The following EPHA5 variants were observed in gnomAD, a reference collection of about 807,000 sequenced individuals.
EPHA5 encodes the protein EPH receptor A5.
Under a neutral mutation model 105.0 loss-of-function variants are expected in EPHA5, and 60 were observed. The observed-to-expected ratio is 0.57, with a 90% CI of 0.46 to 0.71. The LOEUF (loss-of-function observed/expected upper bound fraction) is 0.71. EPHA5 is among the 30% of genes least tolerant of loss of function. The pLI is 0.00. For missense variants in EPHA5, 1,218 were observed against 1,274.7 expected, an observed-to-expected ratio of 0.96 and a Z score of 0.68; for synonymous variants, 513 against 449.1, an observed-to-expected ratio of 1.14 and a Z score of -1.80.
Position 65,591,622 on chromosome 4 carries a change from G to T in EPHA5, c.910+10019C>A. Among the ~76,000 whole-genome samples the T allele has an allele frequency of 1.3e-5, 2 of 150,884 alleles. 1 individual carries two copies. Among genetic ancestry groups the T allele is most frequent in the South Asian group, 4.1e-4 (2 of 4,822 alleles). On this transcript the variant is annotated intron_variant, in intron 3 of 16. Transcript: ENST00000613740. ...TAATTTTATTTTTTTTAAAAAAAAA[G>T]CTTCAGAGATTGTGATCAGAAAAGA...
At chr4:65,383,449 C>A (rs1213290782) in intron 8 of EPHA5, among the ~76,000 whole-genome samples, 1 of 151,778 alleles carries the variant, frequency 6.6e-6, no homozygotes, top group Non-Finnish European at 1.5e-5. Flanking sequence ...ATCACCACTG[C>A]TACCACCATT....
chr4:65,385,864 T>A (rs1378700624), intron 8 of EPHA5, among the ~76,000 whole-genome samples: 2 of 151,830 alleles, frequency 1.3e-5, no homozygotes, highest in Non-Finnish European at 2.9e-5. Context: ...TATATTTGTA[T>A]AATACTGATA....
At chr4:65,647,938 G>A (rs902380483) in intron 1 of EPHA5, among the ~76,000 whole-genome samples, 1 of 152,130 alleles carries the variant, frequency 6.6e-6, no homozygotes, top group Non-Finnish European at 1.5e-5. Context: ...ATAAGGAAAA[G>A]TCACTTAACT....
chr4:65,524,717 G>T (rs1002050798), intron 3 of EPHA5, among the ~76,000 whole-genome samples: 3 of 151,754 alleles, frequency 2.0e-5, no homozygotes, highest in African/African-American at 7.3e-5. Flanking sequence ...ATTTCAGTAC[G>T]TTTAAATTTT....
At chr4:65,391,929 C>G (rs551936601) in intron 8 of EPHA5, among the ~76,000 whole-genome samples, 1 of 152,230 alleles carries the variant, frequency 6.6e-6, no homozygotes, top group South Asian at 2.1e-4. Context: ...GTACCATAAA[C>G]TGAGTTTTTC....
At chr4:65,574,750 A>ATG (rs1365875449) in intron 3 of EPHA5, among the ~76,000 whole-genome samples, 2 of 128,194 alleles carry the variant, frequency 1.6e-5, no homozygotes, top group African/African-American at 2.9e-5. Context: ...ATACATATAT[A>ATG]TATATATACA....
At chr4:65,446,264 A>G (rs1001542554) in intron 5 of EPHA5, among the ~76,000 whole-genome samples, 1 of 152,234 alleles carries the variant, frequency 6.6e-6, no homozygotes, top group African/African-American at 2.4e-5. Context: ...GAATAACTTT[A>G]TATAATGACT....
In EPHA5 at chr4:65,324,125, C is replaced by G. The variant is rs758487170; in HGVS notation, c.3040G>C (p.Val1014Leu). 5 of 1,606,982 alleles carry G rather than the reference C, an allele frequency of 3.1e-6. 1 individual carries two copies. Among genetic ancestry groups the G allele is most frequent in the South Asian group, 1.1e-5 (1 of 90,796 alleles). ...EMKVQLVNGM[V>L]PL The stretch of plus-strand genomic sequence containing the variant: ...ACATTTACATGAAGTTACAATGGCA[C>G]CATTCCGTTTACCAGCTGCACCTTC... The change falls in exon 17 of 17, where the codon GTG becomes CTG. Residue 1014 changes from valine (V) to leucine (L), a missense_variant. Physicochemically the swap from Val to Leu is conservative, Grantham distance 32. Transcript: ENST00000613740.
chr4:65,485,266 T>C (rs906294584), intron 5 of EPHA5, among the ~76,000 whole-genome samples: 2 of 152,104 alleles, frequency 1.3e-5, no homozygotes, highest in African/African-American at 4.8e-5. Context: ...TTTATTTTCT[T>C]ATCATTTTTC....
At chr4:65,560,269 C>G (rs1738875120) in intron 3 of EPHA5, among the ~76,000 whole-genome samples, 1 of 152,110 alleles carries the variant, frequency 6.6e-6, no homozygotes, top group Non-Finnish European at 1.5e-5. Flanking sequence ...AATTGACACA[C>G]TAATCCAGAT....
intron 14 of EPHA5, among the ~76,000 whole-genome samples, chr4:65,338,079 AAAC>A (rs1044274120): frequency 2.6e-5 from 4 of 152,102 alleles, no homozygotes; most frequent in Non-Finnish European, 5.9e-5. Context: ...TAAAATAATA[AAAC>A]AACAGATACA....
chr4:65,538,475 G>A (rs139749762), intron 3 of EPHA5, among the ~76,000 whole-genome samples: 3 of 151,730 alleles, frequency 2.0e-5, no homozygotes, highest in Non-Finnish European at 3.0e-5. Context: ...AAAAGTCATC[G>A]TGCCTTGCCC....
chr4:65,438,705 C>A (rs930666690), intron 5 of EPHA5, among the ~76,000 whole-genome samples: 1 of 151,488 alleles, frequency 6.6e-6, no homozygotes, highest in Non-Finnish European at 1.5e-5. Flanking sequence ...GGACTTCAAG[C>A]AGAATGAAAC....
intron 3 of EPHA5, among the ~76,000 whole-genome samples, chr4:65,518,795 A>G (rs1299844224): frequency 6.6e-6 from 1 of 152,084 alleles, no homozygotes; most frequent in African/African-American, 2.4e-5. Context: ...TACAACAATA[A>G]CAGGCTCTGA....
intron 5 of EPHA5, among the ~76,000 whole-genome samples, chr4:65,451,691 T>C (rs1239214943): frequency 1.2e-4 from 18 of 152,138 alleles, no homozygotes; most frequent in Admixed American, 1.2e-3. Context: ...TTCTATATAA[T>C]AGCACTGACA....
chr4:65,439,528 G>C (rs1378289630), intron 5 of EPHA5, among the ~76,000 whole-genome samples: 2 of 144,842 alleles, frequency 1.4e-5, no homozygotes, highest in Non-Finnish European at 3.0e-5. Flanking sequence ...TTCATATCTT[G>C]CAAGTGCTGG....
intron 5 of EPHA5, among the ~76,000 whole-genome samples, chr4:65,470,221 C>T (rs567964882): frequency 6.7e-6 from 1 of 149,266 alleles, no homozygotes; most frequent in South Asian, 2.1e-4. Flanking sequence ...GAGACAGAGT[C>T]TCGCTCTGTC....
At chr4:65,387,152 CG>C (rs1236005695) in intron 8 of EPHA5, among the ~76,000 whole-genome samples, 4 of 151,712 alleles carry the variant, frequency 2.6e-5, no homozygotes, top group Non-Finnish European at 5.9e-5. Flanking sequence ...GGGGGTTGGG[CG>C]GTAAGTGGAA....
chr4:65,390,817 T>C (rs534194310), intron 8 of EPHA5, among the ~76,000 whole-genome samples: 2 of 152,066 alleles, frequency 1.3e-5, no homozygotes, highest in Non-Finnish European at 1.5e-5. Context: ...TTCTGTGAGA[T>C]TAAAACATTA....
Sources: gnomAD v4.1 joint callset for allele counts (sites outside exome capture counted in the v4.1 genomes callset) on GRCh38, gnomAD v4.1.1 for gene constraint, MANE v1.5 for transcripts, NCBI Gene and HGNC (gene_info 2026-07-23, HGNC 2026-07-21) for gene names.